KIAA1217: variants seen among roughly 807,000 people sequenced by gnomAD.
The protein encoded by KIAA1217 is sickle tail protein homolog.
In KIAA1217, 88 loss-of-function variants were observed where a neutral mutation model predicts 163.9. The ratio of observed to expected loss-of-function variants is 0.54; its 90% CI spans 0.45 to 0.64. The LOEUF is 0.64. Among genes scored for constraint, KIAA1217 ranks in the 30% least tolerant of loss-of-function variants. The probability of loss-of-function intolerance (pLI) is 0.00; values close to 1 mark genes in which losing one functional copy is unlikely to be tolerated. For synonymous variants in KIAA1217, 903 were observed against 923.1 expected (o/e 0.98, Z 0.39); for missense variants, 2,372 against 2,475.0 (o/e 0.96, Z 0.88).
At chr10:24,095,150 G>C (rs796217454) in intron 2 of KIAA1217, among the ~76,000 whole-genome samples, 9 of 152,216 alleles carry the variant, frequency 5.9e-5, no homozygotes, top group African/African-American at 2.2e-4. Flanking sequence ...CCCTTTCCTT[G>C]ACCAGGAAAG....
At chr10:23,719,089 A>G (rs950813578) in intron 1 of KIAA1217, among the ~76,000 whole-genome samples, 57 of 152,302 alleles carry the variant, frequency 3.7e-4, no homozygotes, top group Non-Finnish European at 1.0e-4. Flanking sequence ...ATTCAGACAA[A>G]TAACATGTAT....
chr10:24,069,966 AGT>A (rs1439061379), intron 2 of KIAA1217, among the ~76,000 whole-genome samples: 1 of 152,152 alleles, frequency 6.6e-6, no homozygotes, highest in Non-Finnish European at 1.5e-5. Flanking sequence ...CAGCCTCCTG[AGT>A]AGCTAGGACT....
At chr10:24,463,672 G>A (rs770912743) in intron 5 of KIAA1217, among the ~76,000 whole-genome samples, 1 of 152,180 alleles carries the variant, frequency 6.6e-6, no homozygotes, top group African/African-American at 2.4e-5. Context: ...ATGAAGAAAT[G>A]AATATGAAAG....
intron 3 of KIAA1217, among the ~76,000 whole-genome samples, chr10:24,395,165 C>T (rs1380409789): frequency 6.6e-6 from 1 of 152,124 alleles, no homozygotes; most frequent in East Asian, 1.9e-4. Flanking sequence ...TGTCATTTTA[C>T]ATTGGCAGGA....
rs118177138 is a variant in KIAA1217 at position 24,429,551 on chromosome 10, C to T, written c.554-3444C>T. ...AGGTGGCCTCCACTTTCTGAGATTG[C>T]GTCAACTTTTTCTTCTTCACTGAAT... On this transcript the variant is annotated intron_variant, in intron 3 of 20. Coordinates refer to ENST00000376454, the MANE Select transcript of KIAA1217 (RefSeq NM_019590.5). 1.7e-3 allele frequency among the ~76,000 whole-genome samples: 265 copies of T among 152,090 alleles called. 1 individual carries two copies. In the South Asian group the frequency reaches 0.019, roughly 11 times the overall value.
chr10:24,202,292 G>A (rs2067304400), intron 2 of KIAA1217, among the ~76,000 whole-genome samples: 1 of 152,208 alleles, frequency 6.6e-6, no homozygotes, highest in South Asian at 2.1e-4. Flanking sequence ...GGTGATCAAA[G>A]TGATCAGGGC....
At position 23,894,721 on chromosome 10, in the gene KIAA1217, C is replaced by T. The variant is rs1203373554; in HGVS notation, c.-320-112504C>T. On this transcript the variant is annotated intron_variant, in intron 1 of 18. Coordinates refer to the KIAA1217 transcript ENST00000376462. ...CAAAAGAACAAAGCTGGAGGCATCA[C>T]GCTACCTGACTTCAAACTATACTAC... Among the ~76,000 whole-genome samples, 7 of 147,270 alleles carry T rather than the reference C, an allele frequency of 4.8e-5. No homozygotes were observed. The East Asian group carries it at 5.9e-4, about 13-fold the overall frequency.
chr10:24,109,157 T>G (rs2062745007), intron 2 of KIAA1217, among the ~76,000 whole-genome samples: 1 of 152,140 alleles, frequency 6.6e-6, no homozygotes, highest in African/African-American at 2.4e-5. Context: ...GAATTTCACT[T>G]TATTTGTCAC....
At chr10:23,765,961 C>T (rs768481828) in intron 1 of KIAA1217, among the ~76,000 whole-genome samples, 1 of 152,196 alleles carries the variant, frequency 6.6e-6, no homozygotes, top group South Asian at 2.1e-4. Context: ...CCAAGTCTTA[C>T]CAGCGTTACT....
intron 2 of KIAA1217, among the ~76,000 whole-genome samples, chr10:24,187,737 G>A (rs1172104471): frequency 9.3e-5 from 14 of 151,094 alleles, no homozygotes; most frequent in African/African-American, 2.9e-4. Flanking sequence ...CTAAAAAAAC[G>A]AAATTAGCCA....
chr10:24,322,968 A>G (rs1364691678), intron 2 of KIAA1217, among the ~76,000 whole-genome samples: 1 of 152,096 alleles, frequency 6.6e-6, no homozygotes, highest in Non-Finnish European at 1.5e-5. Context: ...TTTATAGACA[A>G]AGTCTCACTC....
At chr10:23,924,626 A>C (rs1842958176) in intron 1 of KIAA1217, among the ~76,000 whole-genome samples, 1 of 152,184 alleles carries the variant, frequency 6.6e-6, no homozygotes, top group African/African-American at 2.4e-5. Context: ...GACCATAGCG[A>C]GCTGGGACCA....
intron 1 of KIAA1217, among the ~76,000 whole-genome samples, chr10:23,853,334 T>G (rs1383434965): frequency 2.6e-5 from 4 of 152,212 alleles, no homozygotes; most frequent in Admixed American, 6.5e-5. Flanking sequence ...TTGCATGTAT[T>G]AAACCAGCCT....
intron 1 of KIAA1217, among the ~76,000 whole-genome samples, chr10:23,699,725 A>G (rs2130698483): frequency 6.6e-6 from 1 of 152,238 alleles, no homozygotes; most frequent in African/African-American, 2.4e-5. Flanking sequence ...CTTGGGCTCA[A>G]GTGATCCTCA....
Position 23,893,995 on chromosome 10 carries a change from T to A in KIAA1217, c.-320-113230T>A, listed in dbSNP as rs567023504. ...GGTATTGATGGGATGTATCTCAAAA[T>A]AATAAGAACTATCTATGACAAACCC... On this transcript the variant is annotated intron_variant, in intron 1 of 18. Transcript: ENST00000376462. Among the ~76,000 whole-genome samples, 621 of 152,154 alleles carry A rather than the reference T, an allele frequency of 4.1e-3. 4 individuals carry two copies. The highest frequency in any genetic ancestry group is 0.015 in the African/African-American group (610 of 41,556).
chr10:24,322,143 G>A (rs1212888151), intron 2 of KIAA1217, among the ~76,000 whole-genome samples: 2 of 152,006 alleles, frequency 1.3e-5, no homozygotes, highest in Non-Finnish European at 2.9e-5. Context: ...TGGCAGAGAT[G>A]GTGTTTTACC....
intron 1 of KIAA1217, among the ~76,000 whole-genome samples, chr10:23,882,593 T>C (rs751085069): frequency 2.0e-5 from 3 of 151,918 alleles, no homozygotes; most frequent in Non-Finnish European, 4.4e-5. Context: ...GATTGCTGGA[T>C]TGATTTACAA....
chr10:24,164,932 C>T (rs552650122), intron 2 of KIAA1217, among the ~76,000 whole-genome samples: 1 of 152,138 alleles, frequency 6.6e-6, no homozygotes, highest in Non-Finnish European at 1.5e-5. Flanking sequence ...GGGTGCCTTC[C>T]CCTTCTTGAA....
At chr10:24,228,550 C>T (rs996757036) in intron 2 of KIAA1217, among the ~76,000 whole-genome samples, 1 of 152,156 alleles carries the variant, frequency 6.6e-6, no homozygotes, top group Non-Finnish European at 1.5e-5. Context: ...CTACTTCCCT[C>T]TTGCGATCAT....
Sources: gnomAD v4.1 joint callset for allele counts (sites outside exome capture counted in the v4.1 genomes callset) on GRCh38, gnomAD v4.1.1 for gene constraint, MANE v1.5 for transcripts, NCBI Gene and HGNC (gene_info 2026-07-23, HGNC 2026-07-21) for gene names.